Variants in OPA3 observed in about 807,000 individuals in gnomAD.
OPA3 encodes outer mitochondrial membrane lipid metabolism regulator OPA3.
OPA3 carries 6 observed loss-of-function variants against 4.0 expected under a neutral mutation model. The ratio of observed to expected loss-of-function variants is 1.51; its 90% confidence interval spans 0.83 to 2.99. The LOEUF (loss-of-function observed/expected upper bound fraction) is 2.99, where lower values mean the gene tolerates loss of function less well. Among genes scored for constraint, OPA3 ranks in the 30% most tolerant of loss-of-function variants. The probability of loss-of-function intolerance (pLI) is 0.00; values close to 1 mark genes in which losing one functional copy is unlikely to be tolerated. For missense variants in OPA3, 235 were observed against 256.2 expected, an observed-to-expected ratio of 0.92 and a Z score of 0.56; for synonymous variants, 105 against 117.1, an observed-to-expected ratio of 0.90 and a Z score of 0.67.
At chr19:45,540,637 G>T (rs1969175468) in intron 1 of OPA3, among the ~76,000 whole-genome samples, 1 of 151,332 alleles carries the variant, frequency 6.6e-6, no homozygotes, top group Non-Finnish European at 1.5e-5. Flanking sequence ...AGGCTGAGGC[G>T]GGCGGATCAC....
intron 1 of OPA3, 79 bp downstream of exon 1, chr19:45,584,544 A>G: frequency 6.2e-7 from 1 of 1,610,680 alleles, no homozygotes; most frequent in African/African-American, 1.3e-5. Flanking sequence ...GGTCGTAGAC[A>G]GAAGTCCATC....
intron 1 of OPA3, among the ~76,000 whole-genome samples, chr19:45,582,672 T>G (rs1268478965): frequency 6.6e-6 from 1 of 151,252 alleles, no homozygotes; most frequent in Admixed American, 6.6e-5. Context: ...AGTTCCTGGG[T>G]TGGGGGGCCA....
rs1482192019 is a variant in OPA3, at chr19:45,548,714, C to T, written c.*4800G>A. The T allele has an allele frequency of 2.2e-5, 22 of 982,804 alleles. No homozygotes were observed. The highest frequency in any genetic ancestry group is 5.2e-4 in the Middle Eastern group (1 of 1,908). 60.9% of individuals were successfully genotyped at this position (982,804 alleles called of 1,614,324 possible). On this transcript the variant is annotated 3_prime_UTR_variant, in exon 2 of 2. Coordinates refer to ENST00000263275, the MANE Select transcript of OPA3 (RefSeq NM_025136.4). ...TACCAAGGACACTGGGTCCATGTCC[C>T]GGTGCGGGACCACCTCAGTGAGTTT... is the stretch of plus-strand genomic sequence containing the variant.
rs1158988192 is a variant in OPA3 at position 45,549,886 on chromosome 19, G to A, written c.*3628C>T. ...TGAAATGCTGTTTCAGGCCAGGCGC[G>A]GTGGCTCACGCCTGTAATCCCAGCA... On this transcript the variant is annotated 3_prime_UTR_variant, in exon 2 of 2. Coordinates refer to ENST00000263275, the MANE Select transcript of OPA3 (RefSeq NM_025136.4). The A allele has an allele frequency of 9.1e-6, 9 of 985,282 alleles. No individual in the cohort carries two copies. Among genetic ancestry groups the A allele is most frequent in the Non-Finnish European group, 1.1e-5 (9 of 830,034 alleles). 61.0% of individuals were successfully genotyped at this position (985,282 alleles called of 1,614,324 possible). A position where few individuals can be genotyped will look rare whatever the true frequency, so the allele number is the denominator to read the frequency against.
At chr19:45,574,578 G>A (rs896105628) in intron 1 of OPA3, among the ~76,000 whole-genome samples, 1 of 152,136 alleles carries the variant, frequency 6.6e-6, no homozygotes, top group African/African-American at 2.4e-5. Flanking sequence ...TGGAAATGGA[G>A]GCTCATAGAG....
In OPA3 at chr19:45,551,966, C is replaced by A; in HGVS notation, c.*1548G>T. The stretch of plus-strand genomic sequence containing the variant: ...AAGGACATGCCACACAGTACAAGCT[C>A]CAGGGACTCTGAGGACAGGAAAATA... On this transcript the variant is annotated 3_prime_UTR_variant, in exon 2 of 2. Coordinates refer to ENST00000263275, the MANE Select transcript of OPA3 (RefSeq NM_025136.4). 10 of 985,490 alleles carry A rather than the reference C, an allele frequency of 1.0e-5. No homozygotes were observed. The highest frequency in any genetic ancestry group is 1.2e-5 in the Non-Finnish European group (10 of 830,062). The allele number at this position is 985,490 out of a possible 1,614,324, so 61.0% of individuals were successfully genotyped here. A position where few individuals can be genotyped will look rare whatever the true frequency, so the allele number is the denominator to read the frequency against.
chr19:45,575,477 A>C (rs1462987309), intron 1 of OPA3, among the ~76,000 whole-genome samples: 2 of 152,222 alleles, frequency 1.3e-5, no homozygotes, highest in Admixed American at 6.5e-5. Flanking sequence ...GCCTAAATTC[A>C]TAAGAATGGC....
intron 1 of OPA3, among the ~76,000 whole-genome samples, chr19:45,532,333 G>A (rs1969068747): frequency 6.6e-6 from 1 of 152,152 alleles, no homozygotes; most frequent in Non-Finnish European, 1.5e-5. Flanking sequence ...TCTTTTCACT[G>A]TAATGAGCCA....
In OPA3 at chr19:45,530,347, C is replaced by A. The variant is rs375297721; in HGVS notation, c.143-891G>T. 5.9e-5 allele frequency among the ~76,000 whole-genome samples: 9 copies of A among 151,876 alleles called. No individual in the cohort carries two copies. The East Asian group carries it at 9.7e-4, about 16-fold the overall frequency. Reference sequence around the variant, plus strand: ...CCAGCCTGGGAGACAGAGCGAGACTCCATCTCAAAAAAAAAATAAAATTGT... The same window carrying A: ...CCAGCCTGGGAGACAGAGCGAGACTACATCTCAAAAAAAAAATAAAATTGT... On this transcript the variant is annotated intron_variant, in intron 1 of 1. Transcript: ENST00000323060.
In OPA3 at chr19:45,549,906, C is replaced by G. The variant is rs931892968; in HGVS notation, c.*3608G>C. On this transcript the variant is annotated 3_prime_UTR_variant, in exon 2 of 2. Coordinates refer to ENST00000263275, the MANE Select transcript of OPA3 (RefSeq NM_025136.4). ...GGCGCGGTGGCTCACGCCTGTAATC[C>G]CAGCACTTTGGGAGGCCGAGGCGGG... is the stretch of plus-strand genomic sequence containing the variant. 8.0e-5 allele frequency: 79 copies of G among 982,632 alleles called. No individual in the cohort carries two copies. Among genetic ancestry groups the G allele is most frequent in the African/African-American group, 1.6e-4 (9 of 57,102 alleles). 60.9% of individuals were successfully genotyped at this position (982,632 alleles called of 1,614,324 possible). A position where few individuals can be genotyped will look rare whatever the true frequency, so the allele number is the denominator to read the frequency against.
At chr19:45,541,269 G>T (rs953714447) in intron 1 of OPA3, among the ~76,000 whole-genome samples, 1 of 152,168 alleles carries the variant, frequency 6.6e-6, no homozygotes. Context: ...AGGGCAGGGG[G>T]TGTCAGAGGA....
intron 1 of OPA3, among the ~76,000 whole-genome samples, chr19:45,570,343 T>C (rs1440877007): frequency 6.6e-6 from 1 of 152,196 alleles, no homozygotes; most frequent in African/African-American, 2.4e-5. Flanking sequence ...TCTGAGACTA[T>C]GTGCCTTAGT....
chr19:45,564,840 C>G (rs1443406995), intron 1 of OPA3, among the ~76,000 whole-genome samples: 1 of 152,162 alleles, frequency 6.6e-6, no homozygotes, highest in Non-Finnish European at 1.5e-5. Flanking sequence ...CCTAATGTGA[C>G]TTTTTTATGC....
At position 45,549,787 on chromosome 19, in the gene OPA3, T is replaced by C. The variant is rs1969304991; in HGVS notation, c.*3727A>G. On this transcript the variant is annotated 3_prime_UTR_variant, in exon 2 of 2. Transcript: ENST00000263275. The stretch of plus-strand genomic sequence containing the variant: ...GAGCTGGCCTGGGTCACTCCCAGTT[T>C]TAAACACAGCCCACTCAGGACCCAC... 12 of 985,316 alleles carry C rather than the reference T, an allele frequency of 1.2e-5. No individual in the cohort carries two copies. The highest frequency in any genetic ancestry group is 1.4e-5 in the Non-Finnish European group (12 of 830,046). The allele number at this position is 985,316 out of a possible 1,614,324, so 61.0% of individuals were successfully genotyped here.
chr19:45,583,586 C>T (rs1040875125), intron 1 of OPA3, among the ~76,000 whole-genome samples: 1 of 152,206 alleles, frequency 6.6e-6, no homozygotes, highest in Non-Finnish European at 1.5e-5. Flanking sequence ...ACTGCAGCCT[C>T]CACCTACCAG....
chr19:45,566,341 G>A (rs1365533875), intron 1 of OPA3, among the ~76,000 whole-genome samples: 1 of 151,922 alleles, frequency 6.6e-6, no homozygotes, highest in Non-Finnish European at 1.5e-5. Context: ...GTAGAGTTAG[G>A]GCTCTGCCAT....
chr19:45,544,860 G>A (rs182212990), downstream of OPA3, among the ~76,000 whole-genome samples: 2 of 151,680 alleles, frequency 1.3e-5, no homozygotes, highest in East Asian at 3.9e-4. Context: ...GCCCATGCCT[G>A]TAATCCCAGC....
Position 45,549,360 on chromosome 19 carries a change from T to C in OPA3, c.*4154A>G, listed in dbSNP as rs949065186. 2 of 911,018 alleles carry C rather than the reference T, an allele frequency of 2.2e-6. No homozygotes were observed. The highest frequency in any genetic ancestry group is 2.5e-6 in the Non-Finnish European group (2 of 802,574). The allele number at this position is 911,018 out of a possible 1,614,324, so 56.4% of individuals were successfully genotyped here. ...CTGCTGCCCACGATGACTGGCTGCC[T>C]GTCAGGGCAGGGCAGGGCAGGGCTG... On this transcript the variant is annotated 3_prime_UTR_variant, in exon 2 of 2. Transcript: ENST00000263275.
chr19:45,541,256 G>A, intron 1 of OPA3, among the ~76,000 whole-genome samples: 1 of 152,156 alleles, frequency 6.6e-6, no homozygotes. Context: ...TACACAGGAG[G>A]TGAGGGCAGG....
Sources: allele counts gnomAD v4.1 joint callset (sites outside exome capture counted in the v4.1 genomes callset), GRCh38; gene constraint gnomAD v4.1.1; transcripts MANE v1.5; gene names NCBI Gene and HGNC (gene_info 2026-07-23, HGNC 2026-07-21).